ARHGAP24: variants seen among roughly 807,000 people sequenced by gnomAD.
ARHGAP24 encodes the protein rho GTPase-activating protein 24.
In ARHGAP24, 50 loss-of-function variants were observed where a neutral mutation model predicts 76.4. That is an observed-to-expected ratio of 0.65 (90% CI 0.52 to 0.83). The LOEUF (loss-of-function observed/expected upper bound fraction) is 0.83, where lower values mean the gene tolerates loss of function less well. Ranked by LOEUF, ARHGAP24 falls within the 40% of genes least tolerant of loss-of-function variation. ARHGAP24 has a pLI of 0.00. For missense variants in ARHGAP24, 930 were observed against 914.2 expected (o/e 1.02, Z -0.22); for synonymous variants, 345 against 323.3 (o/e 1.07, Z -0.72).
At chr4:85,846,993 T>G (rs1413234520) in intron 3 of ARHGAP24, among the ~76,000 whole-genome samples, 3 of 152,196 alleles carry the variant, frequency 2.0e-5, no homozygotes, top group African/African-American at 7.2e-5. Context: ...AGATCTTGAG[T>G]GCCAACTGGT....
At chr4:85,526,676 G>T (rs752593497) in intron 1 of ARHGAP24, among the ~76,000 whole-genome samples, 17 of 151,962 alleles carry the variant, frequency 1.1e-4, no homozygotes, top group Non-Finnish European at 2.1e-4. Context: ...CTCTTTCTTG[G>T]ATGTAGGATT....
intron 3 of ARHGAP24, among the ~76,000 whole-genome samples, chr4:85,751,023 GT>G (rs1455604591): frequency 1.3e-5 from 2 of 152,134 alleles, no homozygotes; most frequent in African/African-American, 2.4e-5. Flanking sequence ...ATAAAAATAA[GT>G]TTTTCCTGAG....
At chr4:85,902,933 A>G (rs1359870158) in intron 3 of ARHGAP24, among the ~76,000 whole-genome samples, 6 of 152,258 alleles carry the variant, frequency 3.9e-5, no homozygotes, top group African/African-American at 4.8e-5. Context: ...TTGAAATTCA[A>G]TGAAAACTTA....
At chr4:85,931,255 TG>T (rs776657293) in intron 4 of ARHGAP24, among the ~76,000 whole-genome samples, 1 of 151,946 alleles carries the variant, frequency 6.6e-6, no homozygotes, top group Non-Finnish European at 1.5e-5. Context: ...GTGGGGTAGG[TG>T]GGGCTTAAAG....
At chr4:85,755,694 G>A (rs530394678) in intron 3 of ARHGAP24, among the ~76,000 whole-genome samples, 4 of 137,842 alleles carry the variant, frequency 2.9e-5, no homozygotes, top group South Asian at 4.8e-4. Context: ...GTGCAATGGC[G>A]TGATCTCGGC....
chr4:85,801,526 T>A (rs563300165), intron 3 of ARHGAP24, among the ~76,000 whole-genome samples: 2 of 152,354 alleles, frequency 1.3e-5, no homozygotes, highest in South Asian at 4.1e-4. Context: ...AATATGTATA[T>A]TTACAGTGTC....
intron 4 of ARHGAP24, among the ~76,000 whole-genome samples, chr4:85,926,298 T>C (rs996573620): frequency 1.4e-4 from 21 of 152,220 alleles, no homozygotes; most frequent in African/African-American, 5.1e-4. Context: ...TTTTAGCATA[T>C]AGCACTCATA....
intron 3 of ARHGAP24, among the ~76,000 whole-genome samples, chr4:85,820,567 C>A (rs1560650857): frequency 6.6e-6 from 1 of 152,128 alleles, no homozygotes; most frequent in Non-Finnish European, 1.5e-5. Context: ...ATAATCTGTA[C>A]ACCAAGCCCC....
chr4:85,533,213 T>C (rs17010365), intron 1 of ARHGAP24, among the ~76,000 whole-genome samples: 15,763 of 152,130 alleles, frequency 0.1, 2,718 homozygotes, highest in African/African-American at 0.36. Flanking sequence ...TTCCTATCAA[T>C]TGAAAAACCT....
chr4:85,907,328 T>C (rs1050685697), intron 3 of ARHGAP24, among the ~76,000 whole-genome samples: 1 of 152,226 alleles, frequency 6.6e-6, no homozygotes, highest in Non-Finnish European at 1.5e-5. Context: ...ATGTTATATT[T>C]ATTAAAATGT....
intron 1 of ARHGAP24, among the ~76,000 whole-genome samples, chr4:85,555,418 G>A (rs1194256441): frequency 4.6e-5 from 7 of 152,216 alleles, no homozygotes; most frequent in Admixed American, 4.6e-4. Context: ...GCCTATATTA[G>A]CAAAGTATTT....
At chr4:85,488,401 A>G (rs2110092279) in intron 1 of ARHGAP24, among the ~76,000 whole-genome samples, 1 of 152,314 alleles carries the variant, frequency 6.6e-6, no homozygotes, top group Admixed American at 6.5e-5. Context: ...TTTACTATCT[A>G]GCTAGGCCTC....
At chr4:85,608,063 C>A (rs73833364) in intron 2 of ARHGAP24, among the ~76,000 whole-genome samples, 3,513 of 152,130 alleles carry the variant, frequency 0.023, 133 homozygotes, top group African/African-American at 0.08. Flanking sequence ...TTAAAGATTT[C>A]TTCTATTTAA....
intron 3 of ARHGAP24, among the ~76,000 whole-genome samples, chr4:85,840,393 G>T (rs1730533623): frequency 6.6e-6 from 1 of 152,148 alleles, no homozygotes; most frequent in South Asian, 2.1e-4. Flanking sequence ...CTAAATAACA[G>T]CTATGAAGAA....
chr4:85,980,217 A>G (rs796435582), intron 8 of ARHGAP24, among the ~76,000 whole-genome samples: 29 of 152,344 alleles, frequency 1.9e-4, no homozygotes, highest in African/African-American at 6.5e-4. Context: ...GGGCAGAGCT[A>G]GTAGATATAA....
intron 3 of ARHGAP24, among the ~76,000 whole-genome samples, chr4:85,861,997 T>C (rs886448513): frequency 6.6e-6 from 1 of 152,076 alleles, no homozygotes; most frequent in East Asian, 1.9e-4. Context: ...TTCTCTAATG[T>C]TTTTTCTTTA....
chr4:85,655,848 G>C lies in ARHGAP24; in HGVS notation c.181-66037G>C, dbSNP rs1471608. 3.8e-4 allele frequency among the ~76,000 whole-genome samples: 26 copies of C among 67,624 alleles called. 6 individuals are homozygous for C. Among genetic ancestry groups the C allele is most frequent in the African/African-American group, 1.5e-3 (24 of 16,506 alleles). 44.4% of individuals were successfully genotyped at this position (67,624 alleles called of 152,430 possible). ...AGAGAGAGAGAGAGAGAGAGAGACA[G>C]AGAGGAAGTTTGGTTAGACTGTGCC... is the stretch of plus-strand genomic sequence containing the variant. On this transcript the variant is annotated intron_variant, in intron 2 of 9. Coordinates refer to ENST00000395184, the MANE Select transcript of ARHGAP24 (RefSeq NM_001025616.3).
At chr4:85,740,067 C>T (rs1445382704) in intron 3 of ARHGAP24, among the ~76,000 whole-genome samples, 1 of 152,152 alleles carries the variant, frequency 6.6e-6, no homozygotes, top group Non-Finnish European at 1.5e-5. Context: ...TGGATCCCCT[C>T]CTTACAGAGT....
intron 8 of ARHGAP24, among the ~76,000 whole-genome samples, chr4:85,980,584 T>A (rs1284859956): frequency 6.6e-6 from 1 of 152,222 alleles, no homozygotes; most frequent in East Asian, 1.9e-4. Context: ...TACTATATGC[T>A]TTCAGAATAT....
Sources: gnomAD v4.1 joint callset for allele counts (sites outside exome capture counted in the v4.1 genomes callset) on GRCh38, gnomAD v4.1.1 for gene constraint, MANE v1.5 for transcripts, NCBI Gene and HGNC (gene_info 2026-07-23, HGNC 2026-07-21) for gene names.